ADARB2: variants seen among roughly 807,000 people sequenced by gnomAD.
The protein encoded by ADARB2 is adenosine deaminase RNA specific B2 (inactive), also known as inactive double-stranded RNA-specific editase B2.
In ADARB2, 25 loss-of-function variants were observed where a neutral mutation model predicts 62.2. The observed-to-expected ratio is 0.40, with a 90% CI of 0.29 to 0.56. The LOEUF (loss-of-function observed/expected upper bound fraction) is 0.56, where lower values mean the gene tolerates loss of function less well. Among genes scored for constraint, ADARB2 ranks in the 20% least tolerant of loss-of-function variants. The pLI is 0.43. For missense variants in ADARB2, 1,071 were observed against 1,077.4 expected, an observed-to-expected ratio of 0.99 and a Z score of 0.08; for synonymous variants, 572 against 500.8, an observed-to-expected ratio of 1.14 and a Z score of -1.90.
chr10:1,631,706 C>A (rs1588330901), intron 1 of ADARB2, among the ~76,000 whole-genome samples: 2 of 152,096 alleles, frequency 1.3e-5, no homozygotes, highest in African/African-American at 4.8e-5. Flanking sequence ...CAGTGCAGGA[C>A]CAAGCTTCCA....
rs142641453 is a variant in ADARB2, at chr10:1,300,045, G to A, written c.1078-28976C>T. On this transcript the variant is annotated intron_variant, in intron 3 of 9. Transcript: ENST00000381312. ...TCCTTGGTTCCCCACCATCCTGGCC[G>A]TACCCACCACACTTGTCTCATCTCG... Among the ~76,000 whole-genome samples the A allele has an allele frequency of 9.9e-5, 15 of 152,208 alleles. No homozygotes were observed. In the East Asian group the frequency reaches 2.9e-3, roughly 29 times the overall value.
At chr10:1,211,210 T>TCTATCATCTAC (rs537982132) in intron 7 of ADARB2, among the ~76,000 whole-genome samples, 1 of 152,146 alleles carries the variant, frequency 6.6e-6, no homozygotes, top group African/African-American at 2.4e-5. Flanking sequence ...ATCATTATCA[T>TCTATCATCTAC]CTATCATCTA....
At chr10:1,460,599 G>A (rs577121509) in intron 1 of ADARB2, among the ~76,000 whole-genome samples, 20 of 108,790 alleles carry the variant, frequency 1.8e-4, no homozygotes, top group African/African-American at 5.7e-4. Flanking sequence ...TTACGAACCT[G>A]CCTGTGACCT....
At chr10:1,628,995 T>G (rs1410228300) in intron 1 of ADARB2, among the ~76,000 whole-genome samples, 2 of 152,130 alleles carry the variant, frequency 1.3e-5, no homozygotes, top group Admixed American at 6.5e-5. Flanking sequence ...TTCATTTGCC[T>G]CATGAGGGGC....
intron 1 of ADARB2, among the ~76,000 whole-genome samples, chr10:1,629,930 C>A (rs536558575): frequency 2.6e-5 from 4 of 152,142 alleles, no homozygotes; most frequent in African/African-American, 7.2e-5. Flanking sequence ...GAGGGAGGAA[C>A]CTGACAAAAC....
At chr10:1,361,258 C>T (rs1432664965) in intron 3 of ADARB2, 2 of 149,500 alleles carry the variant, frequency 1.3e-5, no homozygotes, top group Non-Finnish European at 3.0e-5. Flanking sequence ...CAAGTTTAAG[C>T]TACAGAGAGT....
intron 1 of ADARB2, among the ~76,000 whole-genome samples, chr10:1,670,796 C>T (rs1030411973): frequency 6.6e-6 from 1 of 152,156 alleles, no homozygotes; most frequent in Admixed American, 6.5e-5. Context: ...CTTCTCAACG[C>T]GGCCCTGCCT....
chr10:1,664,541 C>T lies in ADARB2; in HGVS notation c.100+72510G>A, dbSNP rs77868072. ...TCACGGTCCAGAGAAATGCATTTCACGAATGGCCTTTAGCAGTTGGTAAGA... is the reference window on the plus strand; with the variant it reads ...TCACGGTCCAGAGAAATGCATTTCATGAATGGCCTTTAGCAGTTGGTAAGA... On this transcript the variant is annotated intron_variant, in intron 1 of 9. Coordinates refer to ENST00000381312, the MANE Select transcript of ADARB2 (RefSeq NM_018702.4). 8.9e-3 allele frequency among the ~76,000 whole-genome samples: 1,360 copies of T among 152,314 alleles called. 36 individuals carry two copies. Among genetic ancestry groups the T allele is most frequent in the African/African-American group, 0.031 (1,282 of 41,546 alleles).
intron 1 of ADARB2, among the ~76,000 whole-genome samples, chr10:1,473,688 C>T (rs1184545934): frequency 1.3e-5 from 2 of 152,130 alleles, no homozygotes; most frequent in African/African-American, 4.8e-5. Flanking sequence ...GGCCTCGGAT[C>T]TGCATTTTAA....
intron 1 of ADARB2, among the ~76,000 whole-genome samples, chr10:1,576,919 G>A (rs1833028522): frequency 6.6e-6 from 1 of 152,178 alleles, no homozygotes; most frequent in Non-Finnish European, 1.5e-5. Flanking sequence ...TGGTCTTGGA[G>A]GCAGTGAGGT....
chr10:1,349,948 C>T (rs969137565), intron 3 of ADARB2, among the ~76,000 whole-genome samples: 4 of 152,130 alleles, frequency 2.6e-5, no homozygotes, highest in Non-Finnish European at 4.4e-5. Context: ...CATGCCTCTA[C>T]CCTTCCCTTT....
intron 3 of ADARB2, among the ~76,000 whole-genome samples, chr10:1,346,032 T>C (rs1832077546): frequency 6.6e-6 from 1 of 152,062 alleles, no homozygotes; most frequent in Admixed American, 6.5e-5. Flanking sequence ...ATCATCATGA[T>C]CAGAAGGAAA....
At chr10:1,209,780 T>C (rs3817042) in intron 7 of ADARB2, among the ~76,000 whole-genome samples, 120,588 of 152,180 alleles carry the variant, frequency 0.79, 47,984 homozygotes, top group African/African-American at 0.87. Context: ...AGTGCTCTCC[T>C]GTGCCCTGGT....
At chr10:1,684,553 A>G (rs1197373164) in intron 1 of ADARB2, among the ~76,000 whole-genome samples, 1 of 152,220 alleles carries the variant, frequency 6.6e-6, no homozygotes, top group African/African-American at 2.4e-5. Context: ...GATTGTAGAA[A>G]GTTCTAGATT....
intron 1 of ADARB2, among the ~76,000 whole-genome samples, chr10:1,488,900 A>AG (rs1831585645): frequency 6.6e-6 from 1 of 152,152 alleles, no homozygotes; most frequent in African/African-American, 2.4e-5. Context: ...ATGAGATGGG[A>AG]ACACATTCCG....
At chr10:1,233,993 C>G (rs1364683349) in intron 5 of ADARB2, 148 bp from the exon 6 acceptor site, 1 of 850,484 alleles carries the variant, frequency 1.2e-6, no homozygotes, top group Admixed American at 4.6e-5. Context: ...TTTTTTGAGA[C>G]GGAGTCTTGT....
chr10:1,254,587 A>G (rs1440631595), intron 4 of ADARB2, among the ~76,000 whole-genome samples: 7 of 152,212 alleles, frequency 4.6e-5, no homozygotes, highest in Non-Finnish European at 8.8e-5. Flanking sequence ...TTTTTAGGCA[A>G]TGTTTTCAGG....
intron 8 of ADARB2, among the ~76,000 whole-genome samples, chr10:1,199,056 T>C (rs1304584807): frequency 1.3e-5 from 2 of 152,228 alleles, no homozygotes; most frequent in Non-Finnish European, 2.9e-5. Flanking sequence ...AATCCTCTCC[T>C]TTCTGGGGCA....
At chr10:1,618,515 T>C (rs1419381272) in intron 1 of ADARB2, among the ~76,000 whole-genome samples, 1 of 151,384 alleles carries the variant, frequency 6.6e-6, no homozygotes, top group Non-Finnish European at 1.5e-5. Flanking sequence ...CAAGTCATTT[T>C]TTTTGTTCAA....
Sources: allele counts gnomAD v4.1 joint callset (sites outside exome capture counted in the v4.1 genomes callset), GRCh38; gene constraint gnomAD v4.1.1; transcripts MANE v1.5; gene names NCBI Gene and HGNC (gene_info 2026-07-23, HGNC 2026-07-21).